The following MSRB3 variants were observed in gnomAD, a reference collection of about 807,000 sequenced individuals.
MSRB3 encodes the protein methionine sulfoxide reductase B3.
In MSRB3, 13 loss-of-function variants were observed where a neutral mutation model predicts 21.0. The observed-to-expected ratio is 0.62, with a 90% CI of 0.40 to 0.98. The LOEUF is 0.98. Ranked by LOEUF, MSRB3 falls within the 50% of genes least tolerant of loss-of-function variation. The pLI is 0.00. For missense variants in MSRB3, 199 were observed against 230.3 expected (o/e 0.86, Z 0.88); for synonymous variants, 87 against 88.6 (o/e 0.98, Z 0.10).
chr12:65,444,996 A>T (rs1433745558), intron 5 of MSRB3, among the ~76,000 whole-genome samples: 1 of 152,144 alleles, frequency 6.6e-6, no homozygotes. Context: ...TCCAATCTGC[A>T]TCTTGAGCTT....
At chr12:65,358,781 C>T (rs913161397) in intron 4 of MSRB3, among the ~76,000 whole-genome samples, 1 of 151,908 alleles carries the variant, frequency 6.6e-6, no homozygotes, top group Non-Finnish European at 1.5e-5. Flanking sequence ...GATTTAAGTA[C>T]ATTTAAATTA....
intron 4 of MSRB3, 131 bp downstream of exon 4, chr12:65,328,734 A>C: frequency 1.4e-6 from 1 of 708,884 alleles, no homozygotes; most frequent in Admixed American, 2.2e-5. Context: ...ATTTACCCCC[A>C]ACAAAACAAA....
chr12:65,329,443 A>G (rs1453077948), intron 4 of MSRB3, among the ~76,000 whole-genome samples: 1 of 152,116 alleles, frequency 6.6e-6, no homozygotes, highest in East Asian at 1.9e-4. Context: ...TGAGGTCAGG[A>G]GTTCGAGATT....
At chr12:65,379,961 C>A (rs1565864381) in intron 5 of MSRB3, among the ~76,000 whole-genome samples, 2 of 152,116 alleles carry the variant, frequency 1.3e-5, no homozygotes, top group Non-Finnish European at 2.9e-5. Flanking sequence ...GAGACAGTTT[C>A]TACATTTGTG....
chr12:65,282,366 A>G (rs1872079871), intron 1 of MSRB3, among the ~76,000 whole-genome samples: 1 of 152,100 alleles, frequency 6.6e-6, no homozygotes. Flanking sequence ...ATGTTCATAT[A>G]TTTGTCTGTA....
intron 5 of MSRB3, among the ~76,000 whole-genome samples, chr12:65,452,974 A>G (rs1011442576): frequency 3.3e-5 from 5 of 152,146 alleles, no homozygotes; most frequent in Non-Finnish European, 5.9e-5. Flanking sequence ...CTGACTGTAC[A>G]CTCAAAACAT....
chr12:65,346,301 A>C (rs1213227218), intron 4 of MSRB3, among the ~76,000 whole-genome samples: 2 of 152,100 alleles, frequency 1.3e-5, no homozygotes, highest in Non-Finnish European at 2.9e-5. Context: ...ATGGTATCTC[A>C]CTGTGGTTTT....
rs183408230 is a variant in MSRB3 at position 65,338,204 on chromosome 12, T to A, written c.263+9601T>A. ...TTTTCTGAATAATTTTTTTTTGTAT[T>A]TTCTGATTTCTGTGGTGCAAATGCT... On this transcript the variant is annotated intron_variant, in intron 4 of 6. Coordinates refer to ENST00000308259, the MANE Select transcript of MSRB3 (RefSeq NM_001031679.3). Among the ~76,000 whole-genome samples, 96 of 152,298 alleles carry A rather than the reference T, an allele frequency of 6.3e-4. 1 individual carries two copies. In the East Asian group the frequency reaches 0.017, roughly 26 times the overall value.
chr12:65,402,411 G>T (rs1055066500), intron 5 of MSRB3, among the ~76,000 whole-genome samples: 6 of 152,038 alleles, frequency 3.9e-5, no homozygotes, highest in African/African-American at 1.4e-4. Flanking sequence ...TTTGGCTATT[G>T]ACACTTGTGT....
chr12:65,323,835 G>A (rs1489098070), intron 2 of MSRB3, among the ~76,000 whole-genome samples: 1 of 151,978 alleles, frequency 6.6e-6, no homozygotes, highest in African/African-American at 2.4e-5. Flanking sequence ...ATGATAGAAG[G>A]GCTAATGTAA....
At chr12:65,352,234 G>T (rs1287264969) in intron 4 of MSRB3, among the ~76,000 whole-genome samples, 4 of 152,118 alleles carry the variant, frequency 2.6e-5, no homozygotes, top group African/African-American at 9.7e-5. Context: ...CTCAATAGAT[G>T]CAGAAAAAGC....
intron 1 of MSRB3, among the ~76,000 whole-genome samples, chr12:65,301,453 T>C (rs554941728): frequency 1.3e-5 from 2 of 152,328 alleles, no homozygotes; most frequent in East Asian, 3.9e-4. Context: ...ACTGTGAGCT[T>C]GACAGCTTCT....
intron 5 of MSRB3, among the ~76,000 whole-genome samples, chr12:65,434,153 G>C (rs1290595623): frequency 2.0e-5 from 3 of 151,746 alleles, no homozygotes; most frequent in Non-Finnish European, 4.4e-5. Flanking sequence ...GAATCTTACT[G>C]TCTGCTTTGT....
rs528083806 is a variant in MSRB3 at position 65,442,162 on chromosome 12, A to G, written c.293-11566A>G. On this transcript the variant is annotated intron_variant, in intron 5 of 6. Coordinates refer to ENST00000308259, the MANE Select transcript of MSRB3 (RefSeq NM_001031679.3). ...GTTTAGCACTTAAAATATATATAAT[A>G]GAATAAAGATCTAAAGCCTATTCAG... is the stretch of plus-strand genomic sequence containing the variant. 9.9e-5 allele frequency among the ~76,000 whole-genome samples: 15 copies of G among 152,170 alleles called. No homozygotes were observed. The South Asian group carries it at 3.1e-3, about 32-fold the overall frequency.
chr12:65,279,136 C>G, intron 1 of MSRB3: 2 of 1,287,952 alleles, frequency 1.6e-6, no homozygotes, highest in Non-Finnish European at 2.0e-6. Context: ...ACACCTTATC[C>G]TGTCCCGGGA....
chr12:65,405,720 C>T (rs1050140229), intron 5 of MSRB3, among the ~76,000 whole-genome samples: 43 of 152,192 alleles, frequency 2.8e-4, no homozygotes, highest in African/African-American at 9.1e-4. Context: ...GTGTTCCCTT[C>T]TCTCCACATT....
intron 4 of MSRB3, among the ~76,000 whole-genome samples, chr12:65,338,667 A>G (rs1407986051): frequency 1.3e-5 from 2 of 152,248 alleles, no homozygotes; most frequent in African/African-American, 4.8e-5. Context: ...TAATGAAACT[A>G]AATCTTCATC....
chr12:65,398,377 T>C (rs1047756131), intron 5 of MSRB3, among the ~76,000 whole-genome samples: 3 of 152,246 alleles, frequency 2.0e-5, no homozygotes, highest in Non-Finnish European at 2.9e-5. Context: ...TGAGCTTTTT[T>C]TCATATGTTT....
rs570595907 is a variant in MSRB3 at position 65,326,751 on chromosome 12, G to A, written c.77-75G>A. Reference sequence around the variant, plus strand: ...GACAAGTGACTGCAGAAGCTGTGCTGTGGCGGTCAGCCAAAGCAATTATTT... The same window carrying A: ...GACAAGTGACTGCAGAAGCTGTGCTATGGCGGTCAGCCAAAGCAATTATTT... On this transcript the variant is annotated intron_variant, in intron 2 of 6. Coordinates refer to ENST00000308259, the MANE Select transcript of MSRB3 (RefSeq NM_001031679.3). The A allele has an allele frequency of 7.7e-5, 84 of 1,091,162 alleles. 2 individuals are homozygous for A. The Admixed American group carries it at 1.2e-3, about 15-fold the overall frequency. 67.6% of individuals were successfully genotyped at this position (1,091,162 alleles called of 1,614,324 possible). A position where few individuals can be genotyped will look rare whatever the true frequency, so the allele number is the denominator to read the frequency against.
Sources: allele counts gnomAD v4.1 joint callset (sites outside exome capture counted in the v4.1 genomes callset), GRCh38; gene constraint gnomAD v4.1.1; transcripts MANE v1.5; gene names NCBI Gene and HGNC (gene_info 2026-07-23, HGNC 2026-07-21).